Variants in KIF18A observed in about 807,000 individuals in gnomAD.
KIF18A encodes the protein kinesin-like protein KIF18A.
A neutral mutation model predicts 103.3 loss-of-function variants in KIF18A; 67 were observed. That is an observed-to-expected ratio of 0.65 (90% CI 0.53 to 0.79). KIF18A has a LOEUF of 0.79. Ranked by LOEUF, KIF18A falls within the 30% of genes least tolerant of loss-of-function variation. The probability of loss-of-function intolerance (pLI) is 0.00; values close to 1 mark genes in which losing one functional copy is unlikely to be tolerated. For missense variants in KIF18A, 1,032 were observed against 1,062.5 expected, an observed-to-expected ratio of 0.97 and a Z score of 0.40; for synonymous variants, 367 against 355.5, an observed-to-expected ratio of 1.03 and a Z score of -0.36.
At chr11:28,058,088 C>A (rs1224589967) in intron 13 of KIF18A, among the ~76,000 whole-genome samples, 1 of 152,106 alleles carries the variant, frequency 6.6e-6, no homozygotes, top group East Asian at 1.9e-4. Context: ...TTGAAGGTGG[C>A]AGTCTACTTC....
At chr11:28,098,229 G>T (rs1054848145) in intron 1 of KIF18A, among the ~76,000 whole-genome samples, 3 of 151,884 alleles carry the variant, frequency 2.0e-5, no homozygotes, top group African/African-American at 7.3e-5. Context: ...TGGCACATAC[G>T]TACACACAAC....
At chr11:28,089,241 T>G (rs1296762200) in intron 5 of KIF18A, among the ~76,000 whole-genome samples, 1 of 152,184 alleles carries the variant, frequency 6.6e-6, no homozygotes, top group East Asian at 1.9e-4. Flanking sequence ...CAGTCTTGCA[T>G]CACTTAACAA....
intron 15 of KIF18A, 50 bp from the exon 16 acceptor site, chr11:28,023,900 A>G (rs778211543): frequency 2.2e-6 from 2 of 914,572 alleles, no homozygotes; most frequent in Admixed American, 1.8e-5. Flanking sequence ...TTATACCTCA[A>G]AGTTCTAATA....
intron 10 of KIF18A, among the ~76,000 whole-genome samples, chr11:28,074,826 G>A (rs1417504026): frequency 1.3e-5 from 2 of 152,006 alleles, no homozygotes; most frequent in Admixed American, 6.6e-5. Context: ...ATAAGATAAA[G>A]CTTTTTAATA....
intron 10 of KIF18A, among the ~76,000 whole-genome samples, chr11:28,074,926 C>G (rs1415082412): frequency 2.0e-5 from 3 of 152,014 alleles, no homozygotes; most frequent in African/African-American, 7.2e-5. Flanking sequence ...AATATCGAAA[C>G]TGGGGAGAAT....
intron 13 of KIF18A, among the ~76,000 whole-genome samples, chr11:28,045,252 T>C (rs1013553471): frequency 1.3e-5 from 2 of 152,122 alleles, no homozygotes; most frequent in Non-Finnish European, 2.9e-5. Context: ...ATTGGTGGTA[T>C]TGCTCTTTAA....
At chr11:28,105,357 C>T (rs944364310) in intron 1 of KIF18A, among the ~76,000 whole-genome samples, 1 of 152,072 alleles carries the variant, frequency 6.6e-6, no homozygotes, top group African/African-American at 2.4e-5. Context: ...ATATATAACC[C>T]TCAGAAATTT....
At chr11:28,030,226 A>C (rs1465249917) in intron 15 of KIF18A, among the ~76,000 whole-genome samples, 1 of 149,834 alleles carries the variant, frequency 6.7e-6, no homozygotes, top group Non-Finnish European at 1.5e-5. Context: ...TTGCCAAGAC[A>C]ATCCTAAGGC....
chr11:28,098,889 C>A (rs1275415560), intron 1 of KIF18A, among the ~76,000 whole-genome samples: 5 of 149,108 alleles, frequency 3.4e-5, no homozygotes, highest in Admixed American at 6.7e-5. Context: ...CAAAAAAAAA[C>A]CAAACCACAA....
At chr11:28,056,345 G>A (rs1236642059) in intron 13 of KIF18A, among the ~76,000 whole-genome samples, 1 of 151,832 alleles carries the variant, frequency 6.6e-6, no homozygotes, top group African/African-American at 2.4e-5. Context: ...AAATTTTATG[G>A]ATTTAAGGAT....
At chr11:28,057,242 G>A (rs1590683276) in intron 13 of KIF18A, among the ~76,000 whole-genome samples, 1 of 152,070 alleles carries the variant, frequency 6.6e-6, no homozygotes, top group Admixed American at 6.6e-5. Flanking sequence ...GCAGCTGGGC[G>A]CGGTGGCTCA....
At chr11:28,077,265 T>A in intron 9 of KIF18A, 96 bp from the exon 10 acceptor site, 1 of 793,382 alleles carries the variant, frequency 1.3e-6, no homozygotes, top group Non-Finnish European at 2.0e-6. Context: ...GGAATATATG[T>A]AATTCACAGA....
intron 15 of KIF18A, among the ~76,000 whole-genome samples, chr11:28,030,407 T>C (rs529463992): frequency 0.29 from 42,706 of 149,674 alleles, 6,784 homozygotes; most frequent in African/African-American, 0.43. Context: ...CTTTGACAAA[T>C]CTGACAAAAA....
At chr11:28,054,955 G>A (rs1199315443) in intron 13 of KIF18A, among the ~76,000 whole-genome samples, 4 of 152,006 alleles carry the variant, frequency 2.6e-5, no homozygotes. Flanking sequence ...TTTTAAATAA[G>A]GAATAATGAG....
intron 15 of KIF18A, among the ~76,000 whole-genome samples, chr11:28,024,792 T>C (rs985451634): frequency 2.0e-5 from 3 of 151,906 alleles, no homozygotes; most frequent in African/African-American, 7.3e-5. Context: ...AAGAACATCC[T>C]TCCACGCTGA....
At chr11:28,083,286 A>G (rs754442640) in intron 7 of KIF18A, 43 bp from the exon 8 acceptor site, 1 of 1,510,476 alleles carries the variant, frequency 6.6e-7, no homozygotes, top group Non-Finnish European at 8.8e-7. Context: ...GAGAGATAAT[A>G]ATCACAGAGA....
intron 10 of KIF18A, among the ~76,000 whole-genome samples, chr11:28,073,474 A>G (rs1851048930): frequency 6.6e-6 from 1 of 152,144 alleles, no homozygotes; most frequent in African/African-American, 2.4e-5. Context: ...CAGAGTGATT[A>G]AGAGTGCAGG....
In KIF18A at chr11:28,030,469, G is replaced by A. The variant is rs1242269597; in HGVS notation, c.2504+4918C>T. On this transcript the variant is annotated intron_variant, in intron 15 of 16. Coordinates refer to ENST00000263181, the MANE Select transcript of KIF18A (RefSeq NM_031217.4). ...TTAATAAATGGTGCTGGGAAAACTG[G>A]CTAGCCATATGTAGAAAGCTGAAAC... is the stretch of plus-strand genomic sequence containing the variant. Among the ~76,000 whole-genome samples the A allele has an allele frequency of 1.1e-4, 17 of 152,184 alleles. No individual in the cohort carries two copies. The South Asian group carries it at 3.5e-3, about 32-fold the overall frequency.
chr11:28,085,666 A>G (rs1350974907), intron 6 of KIF18A, among the ~76,000 whole-genome samples: 1 of 150,910 alleles, frequency 6.6e-6, no homozygotes, highest in Admixed American at 6.6e-5. Context: ...CTTGTCTTGT[A>G]TGCAATAAAT....
Sources: allele counts gnomAD v4.1 joint callset (sites outside exome capture counted in the v4.1 genomes callset), GRCh38; gene constraint gnomAD v4.1.1; transcripts MANE v1.5; gene names NCBI Gene and HGNC (gene_info 2026-07-23, HGNC 2026-07-21).